USP16: variants seen among roughly 807,000 people sequenced by gnomAD.
USP16 encodes ubiquitin specific peptidase 16.
In USP16, 77 loss-of-function variants were observed where a neutral mutation model predicts 95.9. The observed-to-expected ratio is 0.80, with a 90% CI of 0.67 to 0.97. The LOEUF is 0.97. Ranked by LOEUF, USP16 falls within the 50% of genes least tolerant of loss-of-function variation. USP16 has a pLI of 0.00. For synonymous variants in USP16, 303 were observed against 318.2 expected (o/e 0.95, Z 0.51); for missense variants, 943 against 959.9 (o/e 0.98, Z 0.23).
rs765056861 is a variant in USP16, at chr21:29,034,948, T to C, written c.344+8T>C. 2.5e-6 allele frequency: 4 copies of C among 1,607,814 alleles called. No individual in the cohort carries two copies. The highest frequency in any genetic ancestry group is 3.4e-6 in the Non-Finnish European group (4 of 1,174,816). On this transcript the variant is annotated splice_region_variant and intron_variant, in intron 4 of 17. Transcript: ENST00000399976. ...GGACAACTGGAGTGTATGGTGAGTT[T>C]CAGTTCCTCTGCCTCTTGGGTGGAA...
chr21:29,042,630 C>A, intron 12 of USP16, 102 bp downstream of exon 12: 1 of 1,012,426 alleles, frequency 9.9e-7, no homozygotes, highest in Non-Finnish European at 1.4e-6. Context: ...ATTACTAGCC[C>A]ATGCAGAAAT....
At position 29,047,257 on chromosome 21, in the gene USP16, G is replaced by T; in HGVS notation, c.1947G>T (p.Ala649=). The change falls in exon 14 of 18, where the codon GCG becomes GCT. Residue 649 remains alanine, a synonymous_variant. Coordinates refer to ENST00000399976, the MANE Select transcript of USP16 (RefSeq NM_006447.3). ...CCCGTAATGAGAAACTTCGAGATGC[G>T]AATAAACTGCTTTGTGAAGTATGCA... ...QFTRNEKLRD[A]NKLLCEVCTR... is the part of the protein sequence containing the mutation. 1 of 1,614,090 alleles carries T rather than the reference G, an allele frequency of 6.2e-7. No homozygotes were observed. Among genetic ancestry groups the T allele is most frequent in the Non-Finnish European group, 8.5e-7 (1 of 1,180,004 alleles).
intron 1 of USP16, among the ~76,000 whole-genome samples, chr21:29,026,085 A>G (rs948371223): frequency 1.3e-5 from 2 of 152,232 alleles, no homozygotes; most frequent in African/African-American, 4.8e-5. Context: ...CAAGATTGGT[A>G]AGATTTAGAT....
At chr21:29,034,003 C>T (rs1018141605) in intron 3 of USP16, among the ~76,000 whole-genome samples, 8 of 152,076 alleles carry the variant, frequency 5.3e-5, no homozygotes, top group Non-Finnish European at 8.8e-5. Flanking sequence ...TTTAGCTGGT[C>T]GTTGGTATGT....
At chr21:29,043,204 C>G (rs940900404) in intron 12 of USP16, 2 of 319,436 alleles carry the variant, frequency 6.3e-6, no homozygotes, top group East Asian at 9.7e-5. Context: ...TGTGATGTTG[C>G]CTTTTGCTGT....
chr21:29,033,604 A>G (rs2085109160), intron 3 of USP16, among the ~76,000 whole-genome samples: 1 of 152,232 alleles, frequency 6.6e-6, no homozygotes, highest in Non-Finnish European at 1.5e-5. Context: ...TCTTTTAGGT[A>G]AAAGTCTCCC....
At chr21:29,027,823 A>G in intron 1 of USP16, 50 bp from the exon 2 acceptor site, 2 of 1,331,730 alleles carry the variant, frequency 1.5e-6, no homozygotes, top group Non-Finnish European at 2.1e-6. Flanking sequence ...CTAGAGAAAT[A>G]TAAGACATAC....
intron 13 of USP16, among the ~76,000 whole-genome samples, chr21:29,045,993 T>G (rs745695690): frequency 9.9e-5 from 15 of 152,084 alleles, no homozygotes; most frequent in Non-Finnish European, 1.9e-4. Context: ...CTGGCTAATT[T>G]TTGTATTTTT....
In USP16 at chr21:29,047,312, AAT is replaced by A. The variant is rs1568898071; in HGVS notation, c.2006_2007del (p.Ile669LysfsTer3). ...GAGACAGTGTAATGGACCAAAGGCA[AAT>A]ATAAAAGGTATTTTAATGCTCTCAC... is the stretch of plus-strand genomic sequence containing the variant. ...TRRQCNGPKA[N>X]IKGERKHVYT... On this transcript the variant is annotated frameshift_variant, in exon 14 of 18. Transcript: ENST00000399976. LOFTEE classifies it high-confidence loss of function. 6.2e-7 allele frequency: 1 copy of A among 1,605,518 alleles called. No individual in the cohort carries two copies. The highest frequency in any genetic ancestry group is 1.7e-5 in the Admixed American group (1 of 58,376).
At chr21:29,048,285 G>A (rs902950247) in intron 14 of USP16, among the ~76,000 whole-genome samples, 2 of 152,050 alleles carry the variant, frequency 1.3e-5, no homozygotes, top group African/African-American at 2.4e-5. Flanking sequence ...GTTTCGCCAC[G>A]TTGGCCAGGG....
chr21:29,025,682 A>G (rs1330364190), intron 1 of USP16: 1 of 961,528 alleles, frequency 1.0e-6, no homozygotes, highest in Non-Finnish European at 1.2e-6. Flanking sequence ...CTGACTTCTC[A>G]TTTTTCACCC....
rs1047658083 is a variant in USP16, at chr21:29,035,356, C to A, written c.344+416C>A. ...TTTTACGTCTTAAAAATCATTTTCA[C>A]AGTAGTCTTCACTGAATGACATCTT... On this transcript the variant is annotated intron_variant, in intron 4 of 17. Coordinates refer to ENST00000399976, the MANE Select transcript of USP16 (RefSeq NM_006447.3). 5.3e-5 allele frequency among the ~76,000 whole-genome samples: 8 copies of A among 151,616 alleles called. No homozygotes were observed. The South Asian group carries it at 1.7e-3, about 32-fold the overall frequency.
In USP16 at chr21:29,038,474, A is replaced by ATG. The variant is rs149982041; in HGVS notation, c.732+50_732+51dup. ...TCTAGTCTGTAACTTTCCTCTCTGA[A>ATG]TGTGTGTTTTCTAAATTATTTTAAA... On this transcript the variant is annotated intron_variant, in intron 7 of 17. Coordinates refer to ENST00000399976, the MANE Select transcript of USP16 (RefSeq NM_006447.3). 4.2e-5 allele frequency: 52 copies of ATG among 1,229,372 alleles called. No homozygotes were observed. The East Asian group carries it at 1.2e-3, about 27-fold the overall frequency. The allele number at this position is 1,229,372 out of a possible 1,614,324, so 76.2% of individuals were successfully genotyped here.
chr21:29,031,927 G>T (rs536073047), intron 3 of USP16, among the ~76,000 whole-genome samples: 1 of 152,092 alleles, frequency 6.6e-6, no homozygotes, highest in African/African-American at 2.4e-5. Context: ...CACACCAATC[G>T]CAATCAGATC....
chr21:29,046,788 T>A lies in USP16; in HGVS notation c.1478T>A (p.Ile493Asn). ...ATGTCACTTCAAGGAGAAGTAAATA[T>A]TAAATCCAACCATATTTCACAAGAG... ...AEMSLQGEVN[I>N]KSNHISQEGV... is the part of the protein sequence containing the mutation. Residue 493 changes from isoleucine (I) to asparagine (N), a missense_variant, in exon 14 of 18, where the codon ATT (isoleucine) becomes AAT (asparagine). Ile to Asn is a moderately radical substitution (Grantham distance 149). Transcript: ENST00000399976. 3 of 1,614,112 alleles carry A rather than the reference T, an allele frequency of 1.9e-6. No homozygotes were observed. Among genetic ancestry groups the A allele is most frequent in the Non-Finnish European group, 2.5e-6 (3 of 1,180,022 alleles).
chr21:29,028,008 A>G, intron 2 of USP16, 34 bp downstream of exon 2: 3 of 1,476,604 alleles, frequency 2.0e-6, no homozygotes, highest in Non-Finnish European at 2.8e-6. Flanking sequence ...TAATGTTTAT[A>G]TCTCTAAATG....
chr21:29,036,205 T>A, intron 4 of USP16, 66 bp from the exon 5 acceptor site: 2 of 1,321,924 alleles, frequency 1.5e-6, no homozygotes, highest in South Asian at 1.3e-5. Context: ...TTCCAGGAAT[T>A]ATTATTTGTC....
chr21:29,052,224 G>A (rs536201018), intron 16 of USP16: 18 of 152,308 alleles, frequency 1.2e-4, no homozygotes, highest in African/African-American at 4.1e-4. Context: ...ATTTTGAATA[G>A]CAATGGTCTA....
At chr21:29,049,394 G>A (rs1333233087) in intron 15 of USP16, among the ~76,000 whole-genome samples, 1 of 152,144 alleles carries the variant, frequency 6.6e-6, no homozygotes, top group Admixed American at 6.5e-5. Flanking sequence ...AATTGGGTGG[G>A]CCTTTATTAA....
Sources: allele counts gnomAD v4.1 joint callset (sites outside exome capture counted in the v4.1 genomes callset), GRCh38; gene constraint gnomAD v4.1.1; transcripts MANE v1.5; gene names NCBI Gene and HGNC (gene_info 2026-07-23, HGNC 2026-07-21).